The following RING1 variants were observed in gnomAD, a reference collection of about 807,000 sequenced individuals.
The protein encoded by RING1 is E3 ubiquitin-protein ligase RING1.
RING1 carries 8 observed loss-of-function variants against 35.0 expected under a neutral mutation model. That is an observed-to-expected ratio of 0.23 (90% CI 0.13 to 0.41). The LOEUF (loss-of-function observed/expected upper bound fraction) is 0.41. Among genes scored for constraint, RING1 ranks in the 10% least tolerant of loss-of-function variants. The pLI is 1.00. For synonymous variants in RING1, 214 were observed against 224.3 expected (o/e 0.95, Z 0.41); for missense variants, 343 against 546.8 (o/e 0.63, Z 3.72).
In RING1 at chr6:33,211,213, G is replaced by C. The variant is rs572254268; in HGVS notation, c.511G>C (p.Gly171Arg). Reference protein sequence around the residue: ...PGSDQTTTMSGGEGEPGEGEG... With the variant: ...PGSDQTTTMSRGEGEPGEGEG... Reference sequence around the variant, plus strand: ...GTCAGATCAGACCACAACGATGAGTGGGGGGGAAGGAGAGCCCGGGGAGGG... The same window carrying C: ...GTCAGATCAGACCACAACGATGAGTCGGGGGGAAGGAGAGCCCGGGGAGGG... The change falls in exon 5 of 7, where the codon GGG (glycine) becomes CGG (arginine). Residue 171 changes from glycine (G) to arginine (R), a missense_variant. By Grantham distance (125) the Gly-to-Arg change is moderately radical. Coordinates refer to ENST00000374656, the MANE Select transcript of RING1 (RefSeq NM_002931.4). This position sits in a 1 kb window ranked among gnomAD's most constrained non-coding sequence, Gnocchi z 6.3. The C allele has an allele frequency of 5.0e-6, 8 of 1,612,550 alleles. No homozygotes were observed. The highest frequency in any genetic ancestry group is 3.3e-4 in the Middle Eastern group (2 of 6,078).
rs1775369539 is a variant in RING1 at position 33,209,245 on chromosome 6, T to C, written c.78+345T>C. The C allele has an allele frequency of 1.7e-6, 1 of 574,896 alleles. No individual in the cohort carries two copies. The highest frequency in any genetic ancestry group is 3.1e-6 in the Non-Finnish European group (1 of 317,660). 35.6% of individuals were successfully genotyped at this position (574,896 alleles called of 1,614,324 possible). A position where few individuals can be genotyped will look rare whatever the true frequency, so the allele number is the denominator to read the frequency against. On this transcript the variant is annotated intron_variant, in intron 2 of 6. Coordinates refer to ENST00000374656, the MANE Select transcript of RING1 (RefSeq NM_002931.4). This position sits in a 1 kb window ranked among gnomAD's most constrained non-coding sequence, Gnocchi z 5.1. The stretch of plus-strand genomic sequence containing the variant: ...CATGCCCCCCAACATTCTGATTCAG[T>C]AGTGAATTGGGTTCTCAGAATCTGA...
At chr6:33,212,195 T>C in intron 6 of RING1, 103 bp from the exon 7 acceptor site, 1 of 944,844 alleles carries the variant, frequency 1.1e-6, no homozygotes, top group South Asian at 1.5e-5. Flanking sequence ...CCTTTTTTCT[T>C]TCCTCCTCCC....
Position 33,209,130 on chromosome 6 carries a change from A to G in RING1, c.78+230A>G. 1.4e-6 allele frequency: 1 copy of G among 697,678 alleles called. No homozygotes were observed. Among genetic ancestry groups the G allele is most frequent in the South Asian group, 1.5e-5 (1 of 66,730 alleles). 43.2% of individuals were successfully genotyped at this position (697,678 alleles called of 1,614,324 possible). On this transcript the variant is annotated intron_variant, in intron 2 of 6. Coordinates refer to ENST00000374656, the MANE Select transcript of RING1 (RefSeq NM_002931.4). The surrounding 1 kb of genome is among the most constrained non-coding windows in gnomAD (Gnocchi z 5.1). The stretch of plus-strand genomic sequence containing the variant: ...TATTATCTTCATTTGAAAGATCACA[A>G]ACACAAAAATTACCTTCCCTGTTCC...
Position 33,211,944 on chromosome 6 carries a change from A to T in RING1, c.1061A>T (p.Glu354Val), listed in dbSNP as rs1321066086. 2.5e-6 allele frequency: 4 copies of T among 1,591,546 alleles called. No homozygotes were observed. The highest frequency in any genetic ancestry group is 3.4e-6 in the Non-Finnish European group (4 of 1,169,390). ...GAGGAGCCTGCTTTGCCCAGCCTGG[A>T]GGGCGTCAGTGAAAAGCAGTACACC... ...GPEEPALPSL[E>V]GVSEKQYTIY... The change falls in exon 6 of 7, where the codon GAG becomes GTG. Residue 354 changes from glutamate (E) to valine (V), a missense_variant. Glu to Val is a moderately radical substitution (Grantham distance 121, BLOSUM62 -2). Coordinates refer to ENST00000374656, the MANE Select transcript of RING1 (RefSeq NM_002931.4). The surrounding 1 kb of genome is among the most constrained non-coding windows in gnomAD (Gnocchi z 6.3).
chr6:33,211,164 GCGTGTGAGGCGGCCGAT>G lies in RING1; in HGVS notation c.463_479del (p.Arg155ThrfsTer33). On this transcript the variant is annotated frameshift_variant, in exon 5 of 7. Coordinates refer to ENST00000374656, the MANE Select transcript of RING1 (RefSeq NM_002931.4). LOFTEE classifies it high-confidence loss of function. The surrounding 1 kb of genome is among the most constrained non-coding windows in gnomAD (Gnocchi z 6.3). ...TAACCACTTGCTTCTACAGGGCCCA[GCGTGTGAGGCGGCCGAT>G]ACCAGGGTCAGATCAGACCACAACG... The G allele has an allele frequency of 6.3e-7, 1 of 1,598,074 alleles. No individual in the cohort carries two copies. Among genetic ancestry groups the G allele is most frequent in the Non-Finnish European group, 8.6e-7 (1 of 1,168,958 alleles).
Position 33,208,536 on chromosome 6 carries a change from G to A in RING1, c.-167G>A, listed in dbSNP as rs1775289136. The A allele has an allele frequency of 2.4e-6, 1 of 422,162 alleles. No individual in the cohort carries two copies. Among genetic ancestry groups the A allele is most frequent in the Admixed American group, 4.4e-5 (1 of 22,848 alleles). 26.2% of individuals were successfully genotyped at this position (422,162 alleles called of 1,614,324 possible). A position where few individuals can be genotyped will look rare whatever the true frequency, so the allele number is the denominator to read the frequency against. ...GCGCCCGGGCCATGGCGGCGGCGGTGGCGGGAGCTGCTGTCTGAGCAGCGG... is the reference window on the plus strand; with the variant it reads ...GCGCCCGGGCCATGGCGGCGGCGGTAGCGGGAGCTGCTGTCTGAGCAGCGG... On this transcript the variant is annotated 5_prime_UTR_variant, in exon 1 of 7. Transcript: ENST00000374656. This position sits in a 1 kb window ranked among gnomAD's most constrained non-coding sequence, Gnocchi z 6.2.
chr6:33,211,845 G>C lies in RING1; in HGVS notation c.962G>C (p.Gly321Ala). The change falls in exon 6 of 7, where the codon GGG (glycine) becomes GCG (alanine). Residue 321 changes from glycine to alanine, a missense_variant. Gly to Ala is a moderately conservative substitution (Grantham distance 60, BLOSUM62 0). Transcript: ENST00000374656. The surrounding 1 kb of genome is among the most constrained non-coding windows in gnomAD (Gnocchi z 6.3). Reference protein sequence around the residue: ...QEAGEPGGPGGGASDTGGPDG... With the variant: ...QEAGEPGGPGAGASDTGGPDG... ...GCAGGGGAGCCAGGAGGGCCTGGAGGGGGCGCCTCTGACACCGGAGGACCT... is the reference window on the plus strand; with the variant it reads ...GCAGGGGAGCCAGGAGGGCCTGGAGCGGGCGCCTCTGACACCGGAGGACCT... 1 of 1,612,642 alleles carries C rather than the reference G, an allele frequency of 6.2e-7. No homozygotes were observed. The highest frequency in any genetic ancestry group is 8.5e-7 in the Non-Finnish European group (1 of 1,179,458).
chr6:33,209,849 T>A lies in RING1; in HGVS notation c.239+63T>A. 4 of 1,611,964 alleles carry A rather than the reference T, an allele frequency of 2.5e-6. No individual in the cohort carries two copies. The highest frequency in any genetic ancestry group is 3.4e-6 in the Non-Finnish European group (4 of 1,178,224). On this transcript the variant is annotated intron_variant, in intron 3 of 6. Transcript: ENST00000374656. This position sits in a 1 kb window ranked among gnomAD's most constrained non-coding sequence, Gnocchi z 5.1. ...TACAAAGTTAGGGCCCTCTCACTGGTCTTGGTTCAGCCTAGGCTTCAGTTC... is the reference window on the plus strand; with the variant it reads ...TACAAAGTTAGGGCCCTCTCACTGGACTTGGTTCAGCCTAGGCTTCAGTTC...
Position 33,208,627 on chromosome 6 carries a change from G to T in RING1, c.-76G>T. 1 of 533,022 alleles carries T rather than the reference G, an allele frequency of 1.9e-6. No individual in the cohort carries two copies. Among genetic ancestry groups the T allele is most frequent in the Non-Finnish European group, 3.2e-6 (1 of 307,798 alleles). The allele number at this position is 533,022 out of a possible 1,614,324, so 33.0% of individuals were successfully genotyped here. A position where few individuals can be genotyped will look rare whatever the true frequency, so the allele number is the denominator to read the frequency against. On this transcript the variant is annotated 5_prime_UTR_variant, in exon 1 of 7. Transcript: ENST00000374656. The surrounding 1 kb of genome is among the most constrained non-coding windows in gnomAD (Gnocchi z 6.2). Reference sequence around the variant, plus strand: ...GGAGAGGCGCGGCGGCGGCGGGAGCGCGAACGGCTGGAGCTGGGTGAGGGG... The same window carrying T: ...GGAGAGGCGCGGCGGCGGCGGGAGCTCGAACGGCTGGAGCTGGGTGAGGGG...
chr6:33,208,773 G>T lies in RING1; in HGVS notation c.-50G>T. 6 of 1,422,484 alleles carry T rather than the reference G, an allele frequency of 4.2e-6. No homozygotes were observed. The highest frequency in any genetic ancestry group is 5.6e-6 in the Non-Finnish European group (6 of 1,063,188). 88.1% of individuals were successfully genotyped at this position (1,422,484 alleles called of 1,614,324 possible). A position where few individuals can be genotyped will look rare whatever the true frequency, so the allele number is the denominator to read the frequency against. ...CTTCCCCCCACCCCCAGCCTTCTTCGCCTTCTCCTCGGCTGTGGAGCCCTG... is the reference window on the plus strand; with the variant it reads ...CTTCCCCCCACCCCCAGCCTTCTTCTCCTTCTCCTCGGCTGTGGAGCCCTG... On this transcript the variant is annotated 5_prime_UTR_variant, in exon 2 of 7. Transcript: ENST00000374656. This position sits in a 1 kb window ranked among gnomAD's most constrained non-coding sequence, Gnocchi z 6.2.
chr6:33,210,224 C>G (rs1340906753), intron 4 of RING1, 94 bp downstream of exon 4: 2 of 1,128,042 alleles, frequency 1.8e-6, no homozygotes, highest in Admixed American at 3.9e-5. Context: ...ATCCTAGGAG[C>G]TGACCACAGA....
rs1384807446 is a variant in RING1, at chr6:33,212,429, A to G, written c.*30A>G. Reference sequence around the variant, plus strand: ...ACCAGGGGACAGCCAGAGGAAGGGGACCATGGGGTATCCCTGTGTCCTGGT... The same window carrying G: ...ACCAGGGGACAGCCAGAGGAAGGGGGCCATGGGGTATCCCTGTGTCCTGGT... On this transcript the variant is annotated 3_prime_UTR_variant, in exon 7 of 7. Coordinates refer to ENST00000374656, the MANE Select transcript of RING1 (RefSeq NM_002931.4). The G allele has an allele frequency of 1.4e-6, 2 of 1,416,620 alleles. No homozygotes were observed. Among genetic ancestry groups the G allele is most frequent in the East Asian group, 2.4e-5 (1 of 40,930 alleles). The allele number at this position is 1,416,620 out of a possible 1,614,324, so 87.8% of individuals were successfully genotyped here.
Position 33,212,288 on chromosome 6 carries a change from C to A in RING1, c.1120-10C>A, listed in dbSNP as rs1775603391. ...TCTTTTCCCCTCTCTCCCTTTTACC[C>A]CCTCCTCAGACGTTGAATGGCTCGC... On this transcript the variant is annotated splice_polypyrimidine_tract_variant and intron_variant, in intron 6 of 6. Coordinates refer to ENST00000374656, the MANE Select transcript of RING1 (RefSeq NM_002931.4). 1.5e-5 allele frequency: 23 copies of A among 1,552,720 alleles called. No individual in the cohort carries two copies. Among genetic ancestry groups the A allele is most frequent in the Non-Finnish European group, 2.0e-5 (23 of 1,142,146 alleles).
Position 33,209,946 on chromosome 6 carries a change from C to T in RING1, c.271C>T (p.Leu91=), listed in dbSNP as rs1775410102. 1 of 1,614,106 alleles carries T rather than the reference C, an allele frequency of 6.2e-7. No homozygotes were observed. The highest frequency in any genetic ancestry group is 8.5e-7 in the Non-Finnish European group (1 of 1,180,050). Residue 91 remains leucine (L), a synonymous_variant, in exon 4 of 7, where the codon CTG becomes TTG. Coordinates refer to ENST00000374656, the MANE Select transcript of RING1 (RefSeq NM_002931.4). This position sits in a 1 kb window ranked among gnomAD's most constrained non-coding sequence, Gnocchi z 5.1. ...GGAGTGTCCTACCTGCCGAAAGAAG[C>T]TGGTGTCCAAGCGATCCCTACGGCC... ...NKECPTCRKK[L]VSKRSLRPDP...
In RING1 at chr6:33,209,167, C is replaced by T; in HGVS notation, c.78+267C>T. 1 of 682,766 alleles carries T rather than the reference C, an allele frequency of 1.5e-6. No individual in the cohort carries two copies. Among genetic ancestry groups the T allele is most frequent in the South Asian group, 1.5e-5 (1 of 66,050 alleles). 42.3% of individuals were successfully genotyped at this position (682,766 alleles called of 1,614,324 possible). Reference sequence around the variant, plus strand: ...ACCTTCCCTGTTCCTCATTCAGTGTCATAAGTCAGTGCACATAAGACTCAC... The same window carrying T: ...ACCTTCCCTGTTCCTCATTCAGTGTTATAAGTCAGTGCACATAAGACTCAC... On this transcript the variant is annotated intron_variant, in intron 2 of 6. Transcript: ENST00000374656. The surrounding 1 kb of genome is among the most constrained non-coding windows in gnomAD (Gnocchi z 5.1).
chr6:33,210,954 A>G (rs1201683767), intron 4 of RING1, among the ~76,000 whole-genome samples: 1 of 152,212 alleles, frequency 6.6e-6, no homozygotes, highest in East Asian at 1.9e-4. Context: ...AATAGAGGTA[A>G]TATAATTACC....
Position 33,208,785 on chromosome 6 carries a change from G to A in RING1, c.-38G>A, listed in dbSNP as rs1438642474. 1.9e-6 allele frequency: 3 copies of A among 1,553,196 alleles called. No individual in the cohort carries two copies. Among genetic ancestry groups the A allele is most frequent in the Non-Finnish European group, 2.6e-6 (3 of 1,145,244 alleles). On this transcript the variant is annotated 5_prime_UTR_variant, in exon 2 of 7. Coordinates refer to ENST00000374656, the MANE Select transcript of RING1 (RefSeq NM_002931.4). The surrounding 1 kb of genome is among the most constrained non-coding windows in gnomAD (Gnocchi z 6.2). ...CCCAGCCTTCTTCGCCTTCTCCTCG[G>A]CTGTGGAGCCCTGGTGGGGGGTCTG... is the stretch of plus-strand genomic sequence containing the variant.
In RING1 at chr6:33,209,939, A is replaced by G; in HGVS notation, c.264A>G (p.Arg88=). 6.2e-7 allele frequency: 1 copy of G among 1,614,176 alleles called. No individual in the cohort carries two copies. Among genetic ancestry groups the G allele is most frequent in the Non-Finnish European group, 8.5e-7 (1 of 1,180,036 alleles). The change falls in exon 4 of 7, where the codon CGA becomes CGG. Residue 88 remains arginine (R), a synonymous_variant. Transcript: ENST00000374656. The surrounding 1 kb of genome is among the most constrained non-coding windows in gnomAD (Gnocchi z 5.1). The part of the protein sequence containing the change: ...RSGNKECPTC[R]KKLVSKRSLR... The stretch of plus-strand genomic sequence containing the variant: ...GGAACAAGGAGTGTCCTACCTGCCG[A>G]AAGAAGCTGGTGTCCAAGCGATCCC...
Position 33,208,538 on chromosome 6 carries a change from C to G in RING1, c.-165C>G. The G allele has an allele frequency of 2.4e-6, 1 of 421,316 alleles. No individual in the cohort carries two copies. The allele number at this position is 421,316 out of a possible 1,614,324, so 26.1% of individuals were successfully genotyped here. ...GCCCGGGCCATGGCGGCGGCGGTGG[C>G]GGGAGCTGCTGTCTGAGCAGCGGTT... On this transcript the variant is annotated 5_prime_UTR_variant, in exon 1 of 7. Coordinates refer to ENST00000374656, the MANE Select transcript of RING1 (RefSeq NM_002931.4). This position sits in a 1 kb window ranked among gnomAD's most constrained non-coding sequence, Gnocchi z 6.2.
Sources: allele counts gnomAD v4.1 joint callset (sites outside exome capture counted in the v4.1 genomes callset), GRCh38; gene constraint gnomAD v4.1.1; non-coding constraint Gnocchi (gnomAD v3.1); transcripts MANE v1.5; gene names NCBI Gene and HGNC (gene_info 2026-07-23, HGNC 2026-07-21).